Variants in LTBP1 observed in about 807,000 individuals in gnomAD.
LTBP1 encodes the protein latent transforming growth factor beta binding protein 1.
A neutral mutation model predicts 207.6 loss-of-function variants in LTBP1; 129 were observed. The ratio of observed to expected loss-of-function variants is 0.62; its 90% CI spans 0.54 to 0.72. The LOEUF (loss-of-function observed/expected upper bound fraction) is 0.72. Among genes scored for constraint, LTBP1 ranks in the 30% least tolerant of loss-of-function variants. The pLI, the probability that LTBP1 is intolerant of heterozygous loss-of-function variation, is 0.00. For missense variants in LTBP1, 2,281 were observed against 2,217.2 expected (o/e 1.03, Z -0.58); for synonymous variants, 963 against 833.7 (o/e 1.16, Z -2.67).
intron 2 of LTBP1, among the ~76,000 whole-genome samples, chr2:33,001,965 G>T (rs1686107426): frequency 7.4e-6 from 1 of 134,602 alleles, no homozygotes; most frequent in Non-Finnish European, 1.6e-5. Flanking sequence ...TGGCATGGTG[G>T]CAAGGCAGAG....
intron 3 of LTBP1, among the ~76,000 whole-genome samples, chr2:33,028,941 C>A (rs1043428395): frequency 3.3e-5 from 5 of 152,144 alleles, no homozygotes; most frequent in African/African-American, 1.2e-4. Context: ...AGTTTATGGG[C>A]TTGAAATTTC....
chr2:33,384,815 G>A (rs1478098947), intron 31 of LTBP1, among the ~76,000 whole-genome samples: 3 of 152,086 alleles, frequency 2.0e-5, no homozygotes, highest in Non-Finnish European at 4.4e-5. Context: ...CCTAGTCATC[G>A]AGATAACCAA....
At chr2:33,294,317 C>T (rs2093831921) in intron 20 of LTBP1, among the ~76,000 whole-genome samples, 1 of 151,926 alleles carries the variant, frequency 6.6e-6, no homozygotes, top group East Asian at 1.9e-4. Flanking sequence ...CTGCCTCAGC[C>T]TCCTGAGTAG....
chr2:33,253,287 A>G (rs555885746), intron 11 of LTBP1, among the ~76,000 whole-genome samples: 3 of 152,334 alleles, frequency 2.0e-5, no homozygotes, highest in African/African-American at 4.8e-5. Flanking sequence ...GGAGGAAATT[A>G]TATTCATGAT....
chr2:33,234,328 T>A (rs1404399662), intron 9 of LTBP1, among the ~76,000 whole-genome samples: 1 of 152,110 alleles, frequency 6.6e-6, no homozygotes, highest in Non-Finnish European at 1.5e-5. Flanking sequence ...TTTTTGGGAA[T>A]ATATAAGAGA....
At chr2:33,047,387 A>T (rs7423562) in intron 3 of LTBP1, among the ~76,000 whole-genome samples, 1 of 152,124 alleles carries the variant, frequency 6.6e-6, no homozygotes, top group African/African-American at 2.4e-5. Context: ...TAGTCAATTC[A>T]GGAGCAGGTT....
intron 9 of LTBP1, among the ~76,000 whole-genome samples, chr2:33,239,534 A>G (rs926327592): frequency 9.2e-5 from 14 of 152,138 alleles, no homozygotes; most frequent in African/African-American, 3.1e-4. Flanking sequence ...TTTTCAAACT[A>G]AATATTAAAA....
intron 24 of LTBP1, among the ~76,000 whole-genome samples, chr2:33,341,440 G>A (rs1361132642): frequency 2.0e-5 from 3 of 151,854 alleles, no homozygotes; most frequent in Admixed American, 6.6e-5. Flanking sequence ...GGCCAGGTGC[G>A]GTGGCTCAAG....
At chr2:33,151,856 TGTG>T (rs2083562718) in intron 5 of LTBP1, among the ~76,000 whole-genome samples, 2 of 151,030 alleles carry the variant, frequency 1.3e-5, no homozygotes, top group Middle Eastern at 3.2e-3. Flanking sequence ...TGTGTGTGTG[TGTG>T]TGTGTGTGTG....
chr2:33,140,614 A>G (rs935496774), intron 5 of LTBP1, among the ~76,000 whole-genome samples: 1 of 152,032 alleles, frequency 6.6e-6, no homozygotes, highest in Non-Finnish European at 1.5e-5. Flanking sequence ...AATACTGAAT[A>G]AATGTCATAA....
At chr2:32,959,027 A>T (rs142373985) in intron 2 of LTBP1, among the ~76,000 whole-genome samples, 25 of 152,366 alleles carry the variant, frequency 1.6e-4, no homozygotes, top group African/African-American at 6.0e-4. Context: ...CTCTTGGCCA[A>T]CTACACTATT....
intron 7 of LTBP1, among the ~76,000 whole-genome samples, chr2:33,194,573 C>T (rs898390660): frequency 2.6e-5 from 4 of 152,208 alleles, no homozygotes; most frequent in African/African-American, 7.2e-5. Flanking sequence ...TAACTTTCTT[C>T]AATTCTCTGA....
intron 2 of LTBP1, among the ~76,000 whole-genome samples, chr2:32,961,028 A>G (rs1241737817): frequency 6.6e-6 from 1 of 152,270 alleles, no homozygotes; most frequent in African/African-American, 2.4e-5. Flanking sequence ...AGTGTATTTT[A>G]TTACTAAGAA....
rs769333372 is a variant in LTBP1 at position 33,293,140 on chromosome 2, A to G, written c.3113-20A>G. On this transcript the variant is annotated intron_variant, in intron 19 of 33. Transcript: ENST00000404816. ...TTTTTCTTCTTTTTTTGTTCTTTCC[A>G]TTACGCAACATTCTTCAAGATGTGG... 5 of 1,601,498 alleles carry G rather than the reference A, an allele frequency of 3.1e-6. No individual in the cohort carries two copies. The highest frequency in any genetic ancestry group is 1.8e-5 in the Admixed American group (1 of 56,338).
At chr2:33,144,096 G>A (rs1265158373) in intron 5 of LTBP1, among the ~76,000 whole-genome samples, 12 of 151,850 alleles carry the variant, frequency 7.9e-5, no homozygotes, top group Non-Finnish European at 1.5e-4. Flanking sequence ...CATCTCGTGT[G>A]CTGTGGGGTA....
intron 4 of LTBP1, among the ~76,000 whole-genome samples, chr2:33,115,221 A>G (rs961598838): frequency 6.6e-6 from 1 of 152,174 alleles, no homozygotes. Context: ...AAAACAAGCC[A>G]AGTGAAAGAT....
intron 32 of LTBP1, among the ~76,000 whole-genome samples, chr2:33,396,193 T>A (rs924023455): frequency 1.3e-5 from 2 of 151,664 alleles, no homozygotes; most frequent in Non-Finnish European, 2.9e-5. Flanking sequence ...TTGGTGTGTG[T>A]GTGTGTTTTG....
intron 19 of LTBP1, chr2:33,291,765 C>T (rs753421939): frequency 6.6e-6 from 1 of 152,230 alleles, no homozygotes; most frequent in Non-Finnish European, 1.5e-5. Context: ...CATTTTAGTA[C>T]AACTCCGTTT....
chr2:32,984,572 G>T (rs959802678), intron 2 of LTBP1, among the ~76,000 whole-genome samples: 16 of 152,196 alleles, frequency 1.1e-4, no homozygotes, highest in African/African-American at 3.6e-4. Context: ...CAAAAGAAAA[G>T]AAGTGACTTT....
Sources: gnomAD v4.1 joint callset for allele counts (sites outside exome capture counted in the v4.1 genomes callset) on GRCh38, gnomAD v4.1.1 for gene constraint, MANE v1.5 for transcripts, NCBI Gene and HGNC (gene_info 2026-07-23, HGNC 2026-07-21) for gene names.